PDE4B: variants seen among roughly 807,000 people sequenced by gnomAD.
PDE4B encodes 3',5'-cyclic-AMP phosphodiesterase 4B.
A neutral mutation model predicts 82.2 loss-of-function variants in PDE4B; 20 were observed. That is an observed-to-expected ratio of 0.24 (90% CI 0.17 to 0.35). The LOEUF (loss-of-function observed/expected upper bound fraction) is 0.35. Among genes scored for constraint, PDE4B ranks in the 10% least tolerant of loss-of-function variants. PDE4B has a pLI of 1.00. For missense variants in PDE4B, 655 were observed against 907.2 expected (o/e 0.72, Z 3.57); for synonymous variants, 320 against 318.9 (o/e 1.00, Z -0.04).
intron 3 of PDE4B, among the ~76,000 whole-genome samples, chr1:66,023,988 A>G (rs531830278): frequency 1.3e-5 from 2 of 152,236 alleles, no homozygotes; most frequent in South Asian, 2.1e-4. Context: ...TCTCAGTTAT[A>G]CATATTTTGA....
Position 66,162,305 on chromosome 1 carries a change from C to CTTTTTTTTTTTTTTTTT in PDE4B, c.282-85143_282-85127dup, listed in dbSNP as rs1168144080. 3.2e-4 allele frequency among the ~76,000 whole-genome samples: 13 copies of CTTTTTTTTTTTTTTTTT among 40,288 alleles called. 2 individuals are homozygous for CTTTTTTTTTTTTTTTTT. The highest frequency in any genetic ancestry group is 4.4e-4 in the Non-Finnish European group (10 of 22,640). The allele number at this position is 40,288 out of a possible 152,430, so 26.4% of individuals were successfully genotyped here. ...TTGGTGGTAAGGTTCATGGACTTCT[C>CTTTTTTTTTTTTTTTTT]TTTTTTTTTTTTTTTTTTTTTTTTT... On this transcript the variant is annotated intron_variant, in intron 3 of 16. Transcript: ENST00000341517.
intron 1 of PDE4B, among the ~76,000 whole-genome samples, chr1:65,859,228 A>C (rs1646427216): frequency 1.3e-5 from 2 of 152,104 alleles, no homozygotes; most frequent in African/African-American, 2.4e-5. Context: ...GATATAAGAT[A>C]TTCTAGATTA....
chr1:66,355,856 T>C (rs112877988), intron 9 of PDE4B, among the ~76,000 whole-genome samples: 8 of 152,292 alleles, frequency 5.3e-5, no homozygotes, highest in African/African-American at 1.9e-4. Context: ...TATGGGCTAA[T>C]TGTATTTAAA....
chr1:66,124,407 A>G (rs142933814), intron 3 of PDE4B, among the ~76,000 whole-genome samples: 32 of 152,330 alleles, frequency 2.1e-4, no homozygotes, highest in South Asian at 8.3e-4. Flanking sequence ...AAATTATTCA[A>G]TTGGACACTT....
intron 3 of PDE4B, among the ~76,000 whole-genome samples, chr1:65,976,088 C>T (rs1433521111): frequency 6.6e-6 from 1 of 152,144 alleles, no homozygotes; most frequent in African/African-American, 2.4e-5. Flanking sequence ...CTGGAAAAGC[C>T]TCAGGTACTC....
At chr1:65,926,158 C>T (rs1053203036) in intron 3 of PDE4B, among the ~76,000 whole-genome samples, 2 of 152,184 alleles carry the variant, frequency 1.3e-5, no homozygotes, top group Non-Finnish European at 2.9e-5. Context: ...TAAATATCCT[C>T]AGGGCAAAAG....
intron 3 of PDE4B, among the ~76,000 whole-genome samples, chr1:66,095,319 A>G (rs1050481084): frequency 6.6e-6 from 1 of 151,934 alleles, no homozygotes; most frequent in Non-Finnish European, 1.5e-5. Context: ...TACCTGCCAA[A>G]TTACATTGTA....
intron 3 of PDE4B, among the ~76,000 whole-genome samples, chr1:66,094,700 A>T (rs973718863): frequency 6.6e-6 from 1 of 152,030 alleles, no homozygotes; most frequent in East Asian, 1.9e-4. Flanking sequence ...TTCCAGAATC[A>T]TGGAACATTA....
At chr1:65,987,552 A>G (rs1382007138) in intron 3 of PDE4B, among the ~76,000 whole-genome samples, 2 of 152,168 alleles carry the variant, frequency 1.3e-5, no homozygotes, top group Non-Finnish European at 2.9e-5. Context: ...GTTAGAGTGG[A>G]AAGACCTGGT....
At chr1:65,877,593 C>T (rs974105368) in intron 1 of PDE4B, among the ~76,000 whole-genome samples, 23 of 150,408 alleles carry the variant, frequency 1.5e-4, no homozygotes, top group Admixed American at 1.1e-3. Context: ...CCAGCCTGGG[C>T]GATAGAGCAA....
At chr1:65,891,775 A>G (rs2100388064) in intron 1 of PDE4B, among the ~76,000 whole-genome samples, 1 of 152,208 alleles carries the variant, frequency 6.6e-6, no homozygotes, top group East Asian at 1.9e-4. Context: ...AGTACTTGAC[A>G]TCTATATAAA....
In PDE4B at chr1:66,269,779, C is replaced by T. The variant is rs183399071; in HGVS notation, c.634+3692C>T. On this transcript the variant is annotated intron_variant, in intron 7 of 16. Coordinates refer to ENST00000341517, the MANE Select transcript of PDE4B (RefSeq NM_002600.4). ...CTGAAAAGATAAATTATCAAGTGTT[C>T]GCTGTCTTTACAAAATGATTTTTTT... Among the ~76,000 whole-genome samples the T allele has an allele frequency of 1.2e-3, 185 of 152,200 alleles. 1 individual carries two copies. The highest frequency in any genetic ancestry group is 3.4e-3 in the Middle Eastern group (1 of 294).
intron 1 of PDE4B, among the ~76,000 whole-genome samples, chr1:65,795,911 G>A (rs1053732805): frequency 6.6e-6 from 1 of 152,172 alleles, no homozygotes; most frequent in African/African-American, 2.4e-5. Flanking sequence ...CATTCATTTT[G>A]CCAGTTTTAA....
intron 3 of PDE4B, among the ~76,000 whole-genome samples, chr1:66,246,922 A>C (rs1653356478): frequency 6.6e-6 from 1 of 152,234 alleles, no homozygotes; most frequent in African/African-American, 2.4e-5. Flanking sequence ...CTAATAACCC[A>C]GTGGAGGTTG....
chr1:66,318,232 A>G (rs1178280753), intron 7 of PDE4B, among the ~76,000 whole-genome samples: 2 of 152,220 alleles, frequency 1.3e-5, no homozygotes, highest in Non-Finnish European at 2.9e-5. Flanking sequence ...CTTTGGGCAG[A>G]TTATGTAACC....
chr1:66,224,500 T>C (rs547301466), intron 3 of PDE4B, among the ~76,000 whole-genome samples: 7 of 152,016 alleles, frequency 4.6e-5, no homozygotes, highest in Non-Finnish European at 1.0e-4. Context: ...AGGTGGATCA[T>C]CTGAGGTCAG....
At chr1:65,957,581 T>G (rs1649325285) in intron 3 of PDE4B, among the ~76,000 whole-genome samples, 1 of 152,148 alleles carries the variant, frequency 6.6e-6, no homozygotes. Context: ...TATGAAAACC[T>G]GTTATAACTT....
intron 1 of PDE4B, among the ~76,000 whole-genome samples, chr1:65,827,334 G>T (rs1646030967): frequency 6.6e-6 from 1 of 152,032 alleles, no homozygotes; most frequent in African/African-American, 2.4e-5. Flanking sequence ...ATAGATATTG[G>T]AACTATCAGA....
chr1:65,989,092 T>A (rs2100672119), intron 3 of PDE4B, among the ~76,000 whole-genome samples: 1 of 152,342 alleles, frequency 6.6e-6, no homozygotes, highest in South Asian at 2.1e-4. Flanking sequence ...AGTAATGCAT[T>A]ATTTAATTGT....
Sources: allele counts gnomAD v4.1 joint callset (sites outside exome capture counted in the v4.1 genomes callset), GRCh38; gene constraint gnomAD v4.1.1; transcripts MANE v1.5; gene names NCBI Gene and HGNC (gene_info 2026-07-23, HGNC 2026-07-21).